Variants in SPAST observed in about 807,000 individuals in gnomAD.
SPAST encodes the protein spastin.
A neutral mutation model predicts 76.6 loss-of-function variants in SPAST; 30 were observed. The observed-to-expected ratio is 0.39, with a 90% confidence interval of 0.29 to 0.53. SPAST has a LOEUF of 0.53. SPAST is among the 20% of genes least tolerant of loss of function. SPAST has a pLI of 0.68. For synonymous variants in SPAST, 305 were observed against 281.0 expected (o/e 1.09, Z -0.86); for missense variants, 717 against 770.5 (o/e 0.93, Z 0.82).
chr2:32,088,272 A>G (rs1677573208), intron 2 of SPAST, among the ~76,000 whole-genome samples: 1 of 152,158 alleles, frequency 6.6e-6, no homozygotes, highest in Admixed American at 6.5e-5. Flanking sequence ...GCCTCAAGTG[A>G]TCCTCCTGCC....
chr2:32,101,068 T>C (rs1042723622), intron 4 of SPAST, among the ~76,000 whole-genome samples: 3 of 152,172 alleles, frequency 2.0e-5, no homozygotes, highest in African/African-American at 7.2e-5. Flanking sequence ...CTAGTTTACG[T>C]TCCCATCAAC....
At chr2:32,101,021 T>A (rs201976719) in intron 4 of SPAST, among the ~76,000 whole-genome samples, 2 of 152,178 alleles carry the variant, frequency 1.3e-5, no homozygotes, top group African/African-American at 4.8e-5. Context: ...TTCTAGATCC[T>A]TGAGGAATCG....
chr2:32,066,213 G>A (rs1261645602), intron 1 of SPAST: 3 of 151,984 alleles, frequency 2.0e-5, no homozygotes, highest in African/African-American at 7.3e-5. Context: ...GACCTCAGGT[G>A]ATTCGCCTGC....
In SPAST at chr2:32,087,555, T is replaced by G. The variant is rs755374095; in HGVS notation, c.479T>G (p.Ile160Arg). 2.5e-6 allele frequency: 4 copies of G among 1,600,554 alleles called. No individual in the cohort carries two copies. The highest frequency in any genetic ancestry group is 3.4e-6 in the Non-Finnish European group (4 of 1,168,640). ...KKGIEELEKG[I>R]AVIVTGQGEQ... ...GGTATTGAAGAACTGGAAAAAGGAA[T>G]AGCTGTTATAGTTACAGGACAAGGT... The change falls in exon 2 of 17, where the codon ATA (isoleucine) becomes AGA (arginine). Residue 160 changes from isoleucine to arginine, a missense_variant. Coordinates refer to ENST00000315285, the MANE Select transcript of SPAST (RefSeq NM_014946.4).
At chr2:32,089,679 G>T in intron 3 of SPAST, 74 bp downstream of exon 3, 1 of 823,700 alleles carries the variant, frequency 1.2e-6, no homozygotes, top group Non-Finnish European at 2.1e-6. Flanking sequence ...TTTGTAGAAA[G>T]AAATAGATCA....
chr2:32,154,287 G>C (rs1479114100), intron 16 of SPAST, 87 bp from the exon 17 acceptor site: 2 of 1,113,634 alleles, frequency 1.8e-6, no homozygotes, highest in East Asian at 2.4e-5. Flanking sequence ...TTAAGAAACA[G>C]CAGCATCATT....
At chr2:32,121,300 C>G (rs1437574178) in intron 7 of SPAST, among the ~76,000 whole-genome samples, 2 of 151,582 alleles carry the variant, frequency 1.3e-5, no homozygotes, top group African/African-American at 4.8e-5. Context: ...TTACAGGCAT[C>G]TGCCACCACG....
At position 32,126,946 on chromosome 2, in the gene SPAST, A is replaced by T; in HGVS notation, c.1099-2A>T. On this transcript the variant is annotated splice_acceptor_variant, in intron 7 of 16. Coordinates refer to ENST00000315285, the MANE Select transcript of SPAST (RefSeq NM_014946.4). LOFTEE classifies it high-confidence loss of function. Reference sequence around the variant, plus strand: ...TTGTAAACTAAAGTATATATTTTTTAGTTGTTCACAGGGCTTAGAGCTCCT... The same window carrying T: ...TTGTAAACTAAAGTATATATTTTTTTGTTGTTCACAGGGCTTAGAGCTCCT... The T allele has an allele frequency of 6.3e-7, 1 of 1,598,116 alleles. No homozygotes were observed. The highest frequency in any genetic ancestry group is 8.6e-7 in the Non-Finnish European group (1 of 1,165,578).
At chr2:32,068,308 A>G (rs1164197529) in intron 1 of SPAST, among the ~76,000 whole-genome samples, 1 of 148,246 alleles carries the variant, frequency 6.7e-6, no homozygotes, top group African/African-American at 2.5e-5. Flanking sequence ...GGACATCAGA[A>G]TGGGCTGTTG....
intron 1 of SPAST, chr2:32,077,693 G>A (rs1339134876): frequency 6.6e-6 from 1 of 152,112 alleles, no homozygotes; most frequent in Admixed American, 6.6e-5. Context: ...CCCATGTTTT[G>A]ACCCTTCTTG....
chr2:32,095,803 A>G (rs1677893819), intron 3 of SPAST, among the ~76,000 whole-genome samples: 1 of 152,162 alleles, frequency 6.6e-6, no homozygotes, highest in Admixed American at 6.5e-5. Flanking sequence ...GACATGAACA[A>G]ATACTCAAAG....
In SPAST at chr2:32,070,849, A is replaced by C. The variant is rs377321188; in HGVS notation, c.415+6603A>C. Among the ~76,000 whole-genome samples, 6 of 152,262 alleles carry C rather than the reference A, an allele frequency of 3.9e-5. No individual in the cohort carries two copies. In the East Asian group the frequency reaches 1.2e-3, roughly 29 times the overall value. Reference sequence around the variant, plus strand: ...TCTTGCCCTGTTGACTAAGTTGGTAAATATTTTAATTGTTGAACTTTCTTG... The same window carrying C: ...TCTTGCCCTGTTGACTAAGTTGGTACATATTTTAATTGTTGAACTTTCTTG... On this transcript the variant is annotated intron_variant, in intron 1 of 16. Coordinates refer to ENST00000315285, the MANE Select transcript of SPAST (RefSeq NM_014946.4).
At chr2:32,125,111 T>G (rs2148742932) in intron 7 of SPAST, among the ~76,000 whole-genome samples, 1 of 152,260 alleles carries the variant, frequency 6.6e-6, no homozygotes. Flanking sequence ...ATATTCAGAG[T>G]AGGGGAAATT....
At chr2:32,137,935 TGG>T (rs1679594092) in intron 12 of SPAST, among the ~76,000 whole-genome samples, 1 of 152,162 alleles carries the variant, frequency 6.6e-6, no homozygotes, top group African/African-American at 2.4e-5. Context: ...CCACATTAAT[TGG>T]CGTAGTATTA....
chr2:32,126,861 A>G (rs1679209819), intron 7 of SPAST, 87 bp from the exon 8 acceptor site: 3 of 824,250 alleles, frequency 3.6e-6, no homozygotes, highest in African/African-American at 1.7e-5. Flanking sequence ...GGAAGATGCT[A>G]CTGAAAAAAG....
In SPAST at chr2:32,155,024, T is replaced by C. The variant is rs1451559467; in HGVS notation, c.*528T>C. 6.5e-6 allele frequency: 1 copy of C among 153,864 alleles called. No homozygotes were observed. The highest frequency in any genetic ancestry group is 1.5e-5 in the Non-Finnish European group (1 of 68,872). 9.5% of individuals were successfully genotyped at this position (153,864 alleles called of 1,614,324 possible). On this transcript the variant is annotated 3_prime_UTR_variant, in exon 17 of 17. Coordinates refer to ENST00000315285, the MANE Select transcript of SPAST (RefSeq NM_014946.4). ...AATTCAGTGTGCCAAATGAAACTTT[T>C]TTCCTAAGTAACTGTAATAGGAAAA...
intron 14 of SPAST, 52 bp downstream of exon 14, chr2:32,143,467 ATAAT>A (rs781456786): frequency 1.0e-5 from 11 of 1,097,504 alleles, no homozygotes; most frequent in East Asian, 2.6e-5. Context: ...TTTTTTGTAA[ATAAT>A]TCTTTTTTTA....
At position 32,155,507 on chromosome 2, in the gene SPAST, A is replaced by T. The variant is rs1219234201; in HGVS notation, c.*1011A>T. The T allele has an allele frequency of 1.3e-5, 2 of 152,622 alleles. No individual in the cohort carries two copies. The highest frequency in any genetic ancestry group is 2.9e-5 in the Non-Finnish European group (2 of 68,014). 9.5% of individuals were successfully genotyped at this position (152,622 alleles called of 1,614,324 possible). ...GAACTACCATCTTTTATTCTTAATA[A>T]TTATTAATCCCTTCAATGAAACTTT... On this transcript the variant is annotated 3_prime_UTR_variant, in exon 17 of 17. Transcript: ENST00000315285.
At chr2:32,083,317 G>C (rs1677313652) in intron 1 of SPAST, among the ~76,000 whole-genome samples, 1 of 151,992 alleles carries the variant, frequency 6.6e-6, no homozygotes, top group Admixed American at 6.6e-5. Flanking sequence ...TTAGAAGTTT[G>C]CATTTTTCTT....
Sources: gnomAD v4.1 joint callset for allele counts (sites outside exome capture counted in the v4.1 genomes callset) on GRCh38, gnomAD v4.1.1 for gene constraint, MANE v1.5 for transcripts, NCBI Gene and HGNC (gene_info 2026-07-23, HGNC 2026-07-21) for gene names.